Variants in SNCAIP observed in about 807,000 individuals in gnomAD.
The protein encoded by SNCAIP is synuclein alpha interacting protein.
SNCAIP carries 43 observed loss-of-function variants against 86.7 expected under a neutral mutation model. The ratio of observed to expected loss-of-function variants is 0.50; its 90% CI spans 0.39 to 0.64. The LOEUF (loss-of-function observed/expected upper bound fraction) is 0.64, where lower values mean the gene tolerates loss of function less well. Ranked by LOEUF, SNCAIP falls within the 30% of genes least tolerant of loss-of-function variation. SNCAIP has a pLI of 0.00. For missense variants in SNCAIP, 981 were observed against 1,103.1 expected, an observed-to-expected ratio of 0.89 and a Z score of 1.57; for synonymous variants, 417 against 427.2, an observed-to-expected ratio of 0.98 and a Z score of 0.29.
chr5:122,330,855 C>A (rs1289884145), intron 1 of SNCAIP, among the ~76,000 whole-genome samples: 1 of 151,744 alleles, frequency 6.6e-6, no homozygotes, highest in Non-Finnish European at 1.5e-5. Flanking sequence ...TACAACTCAT[C>A]ATAATGTAGA....
At chr5:122,338,878 T>G (rs1316113288) in intron 1 of SNCAIP, among the ~76,000 whole-genome samples, 1 of 152,136 alleles carries the variant, frequency 6.6e-6, no homozygotes. Flanking sequence ...ATATATTAAG[T>G]CCTCTAAATA....
chr5:122,349,189 T>C (rs1370492816), intron 1 of SNCAIP, among the ~76,000 whole-genome samples: 3 of 152,212 alleles, frequency 2.0e-5, no homozygotes, highest in Non-Finnish European at 2.9e-5. Flanking sequence ...TATTTGCGTC[T>C]TTTCAGAATA....
chr5:122,455,148 C>T (rs1180113494), intron 10 of SNCAIP, among the ~76,000 whole-genome samples: 1 of 152,166 alleles, frequency 6.6e-6, no homozygotes, highest in Non-Finnish European at 1.5e-5. Flanking sequence ...TATACTTTAT[C>T]ATGGTTGTCA....
intron 1 of SNCAIP, among the ~76,000 whole-genome samples, chr5:122,362,030 A>G (rs1200849686): frequency 6.6e-6 from 1 of 152,192 alleles, no homozygotes; most frequent in East Asian, 1.9e-4. Context: ...TAATTTCCTA[A>G]TCATCACTGA....
chr5:122,321,465 C>T (rs1418501786), intron 1 of SNCAIP: 1 of 152,174 alleles, frequency 6.6e-6, no homozygotes, highest in Non-Finnish European at 1.5e-5. Flanking sequence ...CGACACTTAG[C>T]TCAGATCTTT....
intron 1 of SNCAIP, among the ~76,000 whole-genome samples, chr5:122,378,385 T>C (rs1160754755): frequency 7.5e-6 from 1 of 133,000 alleles, no homozygotes; most frequent in Non-Finnish European, 1.6e-5. Flanking sequence ...TTTGATGGGG[T>C]TGTTTGTTTT....
chr5:122,345,080 T>C (rs1308788406), intron 1 of SNCAIP, among the ~76,000 whole-genome samples: 1 of 152,198 alleles, frequency 6.6e-6, no homozygotes, highest in African/African-American at 2.4e-5. Context: ...GAATGCAGCC[T>C]CTTCAGGCCG....
intron 3 of SNCAIP, among the ~76,000 whole-genome samples, chr5:122,417,908 G>A (rs1424936104): frequency 6.6e-6 from 1 of 152,218 alleles, no homozygotes; most frequent in African/African-American, 2.4e-5. Context: ...TATGAGTGAA[G>A]AGTTGTAACA....
At chr5:122,439,266 T>G (rs542097159) in intron 6 of SNCAIP, among the ~76,000 whole-genome samples, 80 of 152,320 alleles carry the variant, frequency 5.3e-4, no homozygotes, top group Admixed American at 2.5e-3. Flanking sequence ...AGCTCCAGGC[T>G]CTGCTTCTAC....
rs550714623 is a variant in SNCAIP at position 122,377,984 on chromosome 5, A to G, written c.-46-13105A>G. On this transcript the variant is annotated intron_variant, in intron 1 of 10. Coordinates refer to ENST00000261368, the MANE Select transcript of SNCAIP (RefSeq NM_005460.4). ...TTCCAAGTCTTTGCTATTGTGAATA[A>G]TGCCACAATAAACATACGTGTGCAT... 8.6e-3 allele frequency among the ~76,000 whole-genome samples: 1,299 copies of G among 151,436 alleles called. 19 individuals are homozygous for G. Among genetic ancestry groups the G allele is most frequent in the African/African-American group, 0.03 (1,232 of 41,206 alleles).
chr5:122,376,617 A>G (rs1765380943), intron 1 of SNCAIP, among the ~76,000 whole-genome samples: 1 of 152,182 alleles, frequency 6.6e-6, no homozygotes, highest in Non-Finnish European at 1.5e-5. Flanking sequence ...TTTCATTTAC[A>G]ACAGGGAACA....
At chr5:122,378,901 C>A (rs1022999391) in intron 1 of SNCAIP, among the ~76,000 whole-genome samples, 3 of 145,214 alleles carry the variant, frequency 2.1e-5, no homozygotes, top group African/African-American at 7.7e-5. Context: ...TCATCTATAT[C>A]TCTGTTTTGG....
At chr5:122,438,301 C>T (rs1779994143) in intron 6 of SNCAIP, among the ~76,000 whole-genome samples, 1 of 152,178 alleles carries the variant, frequency 6.6e-6, no homozygotes, top group African/African-American at 2.4e-5. Context: ...AGTTTCTCCT[C>T]ACGTCCCAAA....
chr5:122,367,500 C>T (rs1323639808), intron 1 of SNCAIP, among the ~76,000 whole-genome samples: 1 of 151,952 alleles, frequency 6.6e-6, no homozygotes, highest in Admixed American at 6.6e-5. Context: ...GTTGGTGAGA[C>T]TTGAGGATGT....
rs1755839008 is a variant in SNCAIP, at chr5:122,333,698, T to C, written c.-47+21414T>C. On this transcript the variant is annotated intron_variant, in intron 1 of 10. Transcript: ENST00000261368. ...TTTCCCTTGAGTGCTTAAGCAATCA[T>C]GGTATCTCTCTGCCAAATTAAGTCA... is the stretch of plus-strand genomic sequence containing the variant. Among the ~76,000 whole-genome samples, 5 of 152,272 alleles carry C rather than the reference T, an allele frequency of 3.3e-5. No homozygotes were observed. In the South Asian group the frequency reaches 1.0e-3, roughly 31 times the overall value.
intron 6 of SNCAIP, among the ~76,000 whole-genome samples, chr5:122,434,343 A>G (rs981776541): frequency 6.6e-6 from 1 of 152,190 alleles, no homozygotes; most frequent in Non-Finnish European, 1.5e-5. Context: ...GGCATTCGGC[A>G]TGCTTTGTCT....
At chr5:122,425,321 C>G (rs1267527146) in intron 4 of SNCAIP, 31 bp from the exon 5 acceptor site, 4 of 1,574,316 alleles carry the variant, frequency 2.5e-6, no homozygotes, top group Non-Finnish European at 3.5e-6. Flanking sequence ...GATTTATTGA[C>G]TTGGGTTTTC....
intron 1 of SNCAIP, among the ~76,000 whole-genome samples, chr5:122,378,969 G>A (rs1156977625): frequency 2.2e-5 from 3 of 136,300 alleles, no homozygotes; most frequent in African/African-American, 8.4e-5. Flanking sequence ...AAGTCAGGTA[G>A]TGTGATGCCT....
intron 2 of SNCAIP, 139 bp from the exon 3 acceptor site, chr5:122,403,654 G>C: frequency 2.5e-6 from 2 of 787,070 alleles, no homozygotes; most frequent in Non-Finnish European, 4.6e-6. Context: ...AGCCCATTTA[G>C]GGTAAAATGA....
Sources: gnomAD v4.1 joint callset for allele counts (sites outside exome capture counted in the v4.1 genomes callset) on GRCh38, gnomAD v4.1.1 for gene constraint, MANE v1.5 for transcripts, NCBI Gene and HGNC (gene_info 2026-07-23, HGNC 2026-07-21) for gene names.